LRP1B: variants seen among roughly 807,000 people sequenced by gnomAD.
LRP1B encodes LDL receptor related protein 1B.
In LRP1B, 217 loss-of-function variants were observed where a neutral mutation model predicts 556.6. The ratio of observed to expected loss-of-function variants is 0.39; its 90% confidence interval spans 0.35 to 0.44. The LOEUF is 0.44. LRP1B is among the 20% of genes least tolerant of loss of function. The pLI is 1.00. For missense variants in LRP1B, 5,053 were observed against 5,620.8 expected, an observed-to-expected ratio of 0.90 and a Z score of 3.23; for synonymous variants, 2,047 against 1,865.8, an observed-to-expected ratio of 1.10 and a Z score of -2.50.
intron 41 of LRP1B, among the ~76,000 whole-genome samples, chr2:140,637,957 C>G (rs1411994930): frequency 6.6e-6 from 1 of 152,190 alleles, no homozygotes; most frequent in African/African-American, 2.4e-5. Flanking sequence ...TGACTTTACT[C>G]TTCTACAGAA....
intron 2 of LRP1B, among the ~76,000 whole-genome samples, chr2:141,522,296 A>C (rs1684553815): frequency 6.6e-6 from 1 of 152,130 alleles, no homozygotes; most frequent in African/African-American, 2.4e-5. Flanking sequence ...GCTAGACTAG[A>C]TTCTTCTTTT....
chr2:141,261,233 C>T (rs906164757), intron 3 of LRP1B, among the ~76,000 whole-genome samples: 1 of 152,164 alleles, frequency 6.6e-6, no homozygotes, highest in Non-Finnish European at 1.5e-5. Flanking sequence ...TGAATTTCTT[C>T]AGAATTTCCT....
At chr2:142,090,598 T>C (rs1333251208) in intron 1 of LRP1B, among the ~76,000 whole-genome samples, 1 of 152,170 alleles carries the variant, frequency 6.6e-6, no homozygotes, top group Admixed American at 6.5e-5. Context: ...CTCTCACCAA[T>C]TATTTCCACA....
At chr2:140,805,898 T>A (rs1384895259) in intron 32 of LRP1B, among the ~76,000 whole-genome samples, 1 of 152,150 alleles carries the variant, frequency 6.6e-6, no homozygotes, top group Admixed American at 6.6e-5. Context: ...CACACACACA[T>A]ATAATAGACT....
intron 82 of LRP1B, among the ~76,000 whole-genome samples, chr2:140,315,864 T>C (rs1027176369): frequency 5.9e-5 from 9 of 152,168 alleles, no homozygotes; most frequent in African/African-American, 2.2e-4. Flanking sequence ...TTATTAACCA[T>C]ATATAAATCT....
chr2:140,981,800 C>T (rs1343361184), intron 18 of LRP1B, among the ~76,000 whole-genome samples: 3 of 152,102 alleles, frequency 2.0e-5, no homozygotes, highest in Admixed American at 6.6e-5. Context: ...TCCCTTACCC[C>T]AAATGTTACT....
intron 33 of LRP1B, among the ~76,000 whole-genome samples, chr2:140,772,182 A>G (rs2104942098): frequency 6.6e-6 from 1 of 152,218 alleles, no homozygotes; most frequent in East Asian, 1.9e-4. Context: ...AAACTAATAA[A>G]AATTAACTGA....
chr2:140,372,963 A>C, intron 69 of LRP1B, 45 bp downstream of exon 69: 1 of 1,600,444 alleles, frequency 6.2e-7, no homozygotes, highest in African/African-American at 1.3e-5. Flanking sequence ...AAATTCTATC[A>C]AGGTAAAATG....
intron 3 of LRP1B, among the ~76,000 whole-genome samples, chr2:141,327,294 A>G (rs1426073350): frequency 6.6e-6 from 1 of 152,210 alleles, no homozygotes; most frequent in Non-Finnish European, 1.5e-5. Context: ...AGTAAAATGT[A>G]AGGAGCCACT....
At chr2:142,028,539 A>G (rs1335699992) in intron 1 of LRP1B, among the ~76,000 whole-genome samples, 8 of 152,004 alleles carry the variant, frequency 5.3e-5, no homozygotes, top group Non-Finnish European at 8.8e-5. Context: ...ATTCCAAACT[A>G]TGGATGTACC....
At chr2:140,243,225 A>C (rs1681025214) in intron 87 of LRP1B, among the ~76,000 whole-genome samples, 2 of 151,270 alleles carry the variant, frequency 1.3e-5, no homozygotes, top group South Asian at 4.1e-4. Context: ...AATATTGAGC[A>C]TAGGAATTTT....
At chr2:141,120,918 A>G (rs1701031466) in intron 7 of LRP1B, among the ~76,000 whole-genome samples, 1 of 152,000 alleles carries the variant, frequency 6.6e-6, no homozygotes. Flanking sequence ...TGCATTGCAC[A>G]CTGCAACTCT....
At chr2:141,537,304 TTAAAA>T (rs1192105370) in intron 2 of LRP1B, among the ~76,000 whole-genome samples, 4 of 152,094 alleles carry the variant, frequency 2.6e-5, no homozygotes, top group Non-Finnish European at 4.4e-5. Flanking sequence ...TTATATGAAT[TTAAAA>T]TAAATAACAA....
In LRP1B at chr2:141,698,725, A is replaced by G. The variant is rs535823880; in HGVS notation, c.205+111554T>C. Among the ~76,000 whole-genome samples, 86 of 151,782 alleles carry G rather than the reference A, an allele frequency of 5.7e-4. 1 individual carries two copies. Among genetic ancestry groups the G allele is most frequent in the Non-Finnish European group, 6.3e-4 (43 of 67,848 alleles). On this transcript the variant is annotated intron_variant, in intron 2 of 90. Transcript: ENST00000389484. ...GCAACTGCAGTATGTTTGTGAAGAAATTTCAGAACGGAAAAAAAAAAAGAG... is the reference window on the plus strand; with the variant it reads ...GCAACTGCAGTATGTTTGTGAAGAAGTTTCAGAACGGAAAAAAAAAAAGAG...
chr2:140,293,704 T>C (rs1274658204), intron 84 of LRP1B, among the ~76,000 whole-genome samples: 1 of 152,196 alleles, frequency 6.6e-6, no homozygotes, highest in Non-Finnish European at 1.5e-5. Flanking sequence ...TCTAAATTTA[T>C]TATGTTTTTG....
chr2:140,585,790 A>T (rs563338336), intron 43 of LRP1B, among the ~76,000 whole-genome samples: 1 of 152,334 alleles, frequency 6.6e-6, no homozygotes, highest in African/African-American at 2.4e-5. Flanking sequence ...ATCATTAAAG[A>T]CAATAAAATT....
At chr2:141,379,837 GC>G (rs1300898704) in intron 3 of LRP1B, among the ~76,000 whole-genome samples, 1 of 152,078 alleles carries the variant, frequency 6.6e-6, no homozygotes, top group East Asian at 1.9e-4. Flanking sequence ...GAATGAGCAA[GC>G]AATAAAGCCA....
chr2:141,867,353 A>G (rs1391863405), intron 1 of LRP1B, among the ~76,000 whole-genome samples: 9 of 152,156 alleles, frequency 5.9e-5, no homozygotes, highest in African/African-American at 2.2e-4. Context: ...CTAGACCAGA[A>G]TTAATTTTTC....
intron 7 of LRP1B, among the ~76,000 whole-genome samples, chr2:141,136,120 A>T (rs1701485759): frequency 6.6e-6 from 1 of 151,916 alleles, no homozygotes; most frequent in African/African-American, 2.4e-5. Flanking sequence ...ATTTTTTTAA[A>T]TATAAAAGGA....
Sources: gnomAD v4.1 joint callset for allele counts (sites outside exome capture counted in the v4.1 genomes callset) on GRCh38, gnomAD v4.1.1 for gene constraint, MANE v1.5 for transcripts, NCBI Gene and HGNC (gene_info 2026-07-23, HGNC 2026-07-21) for gene names.